The following DOCK1 variants were observed in gnomAD, a reference collection of about 807,000 sequenced individuals.
The protein encoded by DOCK1 is dedicator of cytokinesis 1, also known as dedicator of cytokinesis protein 1.
DOCK1 carries 138 observed loss-of-function variants against 262.7 expected under a neutral mutation model. The observed-to-expected ratio is 0.53, with a 90% CI of 0.46 to 0.61. The LOEUF (loss-of-function observed/expected upper bound fraction) is 0.61. Among genes scored for constraint, DOCK1 ranks in the 20% least tolerant of loss-of-function variants. DOCK1 has a pLI of 0.00. For synonymous variants in DOCK1, 866 were observed against 867.4 expected (o/e 1.00, Z 0.03); for missense variants, 1,908 against 2,370.7 (o/e 0.80, Z 4.05).
At chr10:127,270,192 G>A (rs546335457) in intron 29 of DOCK1, among the ~76,000 whole-genome samples, 5 of 152,256 alleles carry the variant, frequency 3.3e-5, no homozygotes, top group South Asian at 2.1e-4. Flanking sequence ...ACAGGCTCCC[G>A]ATGTCTGGCA....
chr10:126,929,362 A>T (rs1030003480), intron 1 of DOCK1, among the ~76,000 whole-genome samples: 1 of 152,256 alleles, frequency 6.6e-6, no homozygotes, highest in East Asian at 1.9e-4. Flanking sequence ...GACACCCAGG[A>T]GATATTATCA....
intron 29 of DOCK1, among the ~76,000 whole-genome samples, chr10:127,287,155 C>T (rs1201125964): frequency 6.6e-6 from 1 of 151,824 alleles, no homozygotes; most frequent in Non-Finnish European, 1.5e-5. Flanking sequence ...GATCTGCCTG[C>T]CTTAGCCTCC....
intron 23 of DOCK1, among the ~76,000 whole-genome samples, chr10:127,076,889 C>T (rs770156611): frequency 4.6e-5 from 7 of 152,186 alleles, no homozygotes; most frequent in Non-Finnish European, 8.8e-5. Flanking sequence ...TTCTTAAGCA[C>T]CTCTGGCATT....
At chr10:127,118,963 T>C (rs1262899210) in intron 25 of DOCK1, among the ~76,000 whole-genome samples, 1 of 152,214 alleles carries the variant, frequency 6.6e-6, no homozygotes, top group African/African-American at 2.4e-5. Context: ...GCGTCTGTTA[T>C]GTAAAAATGC....
intron 27 of DOCK1, among the ~76,000 whole-genome samples, chr10:127,246,080 T>C (rs2059422424): frequency 2.6e-5 from 4 of 152,194 alleles, no homozygotes; most frequent in Admixed American, 2.0e-4. Context: ...CTCTTCCAGC[T>C]TTCTCTGATG....
chr10:127,115,638 G>A (rs1317310747), intron 25 of DOCK1, among the ~76,000 whole-genome samples: 3 of 152,170 alleles, frequency 2.0e-5, no homozygotes, highest in Middle Eastern at 3.2e-3. Context: ...GAACACTGAC[G>A]TTTAGGATTT....
At chr10:127,430,794 A>G (rs1054986408) in intron 47 of DOCK1, among the ~76,000 whole-genome samples, 1 of 151,910 alleles carries the variant, frequency 6.6e-6, no homozygotes, top group Non-Finnish European at 1.5e-5. Context: ...AACCCCTTCA[A>G]CCCAGCCCAT....
intron 2 of DOCK1, among the ~76,000 whole-genome samples, chr10:126,977,563 T>C (rs2038641749): frequency 6.6e-6 from 1 of 152,104 alleles, no homozygotes; most frequent in Non-Finnish European, 1.5e-5. Context: ...CTTGGAGAGA[T>C]CTTGGTCTAA....
At chr10:127,247,548 C>T (rs2059473798) in intron 27 of DOCK1, among the ~76,000 whole-genome samples, 1 of 152,318 alleles carries the variant, frequency 6.6e-6, no homozygotes, top group Admixed American at 6.5e-5. Flanking sequence ...CAGAAGTTCC[C>T]ATGATTTCCA....
At position 127,451,445 on chromosome 10, in the gene DOCK1, G is replaced by A; in HGVS notation, c.*18G>A. 2 of 1,559,382 alleles carry A rather than the reference G, an allele frequency of 1.3e-6. No individual in the cohort carries two copies. Among genetic ancestry groups the A allele is most frequent in the Non-Finnish European group, 1.7e-6 (2 of 1,151,816 alleles). On this transcript the variant is annotated 3_prime_UTR_variant, in exon 52 of 52. Transcript: ENST00000623213. ...TGCAGTGACGTCGCAAGCCTCTCTG[G>A]AAAGAGTGTGCTGCCCCTCCCCATC...
intron 33 of DOCK1, 82 bp from the exon 34 acceptor site, chr10:127,373,699 G>T: frequency 7.7e-7 from 1 of 1,307,082 alleles, no homozygotes; most frequent in South Asian, 1.3e-5. Flanking sequence ...CTCTCTTGCC[G>T]ATTTATGTTC....
At chr10:127,312,526 A>G (rs532978798) in intron 29 of DOCK1, among the ~76,000 whole-genome samples, 11 of 152,252 alleles carry the variant, frequency 7.2e-5, no homozygotes, top group Admixed American at 4.6e-4. Flanking sequence ...CACTTCCTTT[A>G]TAACATGCAG....
intron 23 of DOCK1, among the ~76,000 whole-genome samples, chr10:127,065,855 GAA>G (rs5788826): frequency 6.6e-6 from 1 of 150,746 alleles, no homozygotes; most frequent in Non-Finnish European, 1.5e-5. Context: ...ACTCCATCTC[GAA>G]AAAAAAATGA....
At chr10:127,403,205 ATCTC>A in intron 39 of DOCK1, 61 bp downstream of exon 39, 1 of 1,506,386 alleles carries the variant, frequency 6.6e-7, no homozygotes, top group Non-Finnish European at 9.0e-7. Context: ...TTTTTCAGGA[ATCTC>A]TCTTTCCATG....
intron 27 of DOCK1, chr10:127,145,889 C>T (rs1215972142): frequency 1.2e-5 from 5 of 434,354 alleles, no homozygotes; most frequent in African/African-American, 1.0e-4. Context: ...TCACCAGTGA[C>T]CGGTCTAAAC....
chr10:127,125,826 T>C (rs2049916465), intron 26 of DOCK1, among the ~76,000 whole-genome samples: 1 of 152,186 alleles, frequency 6.6e-6, no homozygotes, highest in Admixed American at 6.5e-5. Flanking sequence ...ATTTCCTGTG[T>C]CTTCTCGACG....
intron 10 of DOCK1, among the ~76,000 whole-genome samples, chr10:127,004,102 A>G (rs979596732): frequency 1.3e-5 from 2 of 151,818 alleles, no homozygotes; most frequent in African/African-American, 4.8e-5. Flanking sequence ...AAGATACAAA[A>G]AATTAGTTGG....
At position 127,313,107 on chromosome 10, in the gene DOCK1, A is replaced by G. The variant is rs183182481; in HGVS notation, c.3045-25899A>G. 2.6e-5 allele frequency among the ~76,000 whole-genome samples: 4 copies of G among 152,236 alleles called. No individual in the cohort carries two copies. The East Asian group carries it at 7.8e-4, about 30-fold the overall frequency. On this transcript the variant is annotated intron_variant, in intron 29 of 51. Coordinates refer to ENST00000623213, the MANE Select transcript of DOCK1 (RefSeq NM_001290223.2). ...CTCTGCTAGACATCATGACTCAGCCAGACCTCAGCTGTGTGACCCACTCCA... is the reference window on the plus strand; with the variant it reads ...CTCTGCTAGACATCATGACTCAGCCGGACCTCAGCTGTGTGACCCACTCCA...
chr10:127,272,440 C>CT (rs1230894981), intron 29 of DOCK1, among the ~76,000 whole-genome samples: 1 of 152,180 alleles, frequency 6.6e-6, no homozygotes, highest in African/African-American at 2.4e-5. Flanking sequence ...ATAGATTCTG[C>CT]TAAATGCTAA....
Sources: allele counts gnomAD v4.1 joint callset (sites outside exome capture counted in the v4.1 genomes callset), GRCh38; gene constraint gnomAD v4.1.1; transcripts MANE v1.5; gene names NCBI Gene and HGNC (gene_info 2026-07-23, HGNC 2026-07-21).